The following FGF12 variants were observed in gnomAD, a reference collection of about 807,000 sequenced individuals.
FGF12 encodes fibroblast growth factor 12B.
In FGF12, 14 loss-of-function variants were observed where a neutral mutation model predicts 23.6. That is an observed-to-expected ratio of 0.59 (90% CI 0.39 to 0.93). FGF12 has a LOEUF of 0.93. Among genes scored for constraint, FGF12 ranks in the 40% least tolerant of loss-of-function variants. The pLI is 0.00. For missense variants in FGF12, 175 were observed against 217.8 expected (o/e 0.80, Z 1.24); for synonymous variants, 62 against 77.3 (o/e 0.80, Z 1.04).
intron 2 of FGF12, among the ~76,000 whole-genome samples, chr3:192,578,500 A>G (rs1199886704): frequency 6.6e-6 from 1 of 152,238 alleles, no homozygotes; most frequent in Non-Finnish European, 1.5e-5. Flanking sequence ...AAACTTATTT[A>G]TTAACTGCTC....
At position 192,331,322 on chromosome 3, in the gene FGF12, A is replaced by C. The variant is rs887298680; in HGVS notation, c.228+4039T>G. 9.3e-5 allele frequency among the ~76,000 whole-genome samples: 14 copies of C among 150,218 alleles called. No individual in the cohort carries two copies. In the East Asian group the frequency reaches 2.5e-3, roughly 27 times the overall value. On this transcript the variant is annotated intron_variant, in intron 4 of 5. Transcript: ENST00000445105. Reference sequence around the variant, plus strand: ...GTATGGAGTTTTCTCAAAAAAAAAAAAAAAAAAAAACAAAAACAAAAACAG... The same window carrying C: ...GTATGGAGTTTTCTCAAAAAAAAAACAAAAAAAAAACAAAAACAAAAACAG...
Position 192,264,847 on chromosome 3 carries a change from G to A in FGF12, c.228+70514C>T, listed in dbSNP as rs1006370950. On this transcript the variant is annotated intron_variant, in intron 4 of 5. Coordinates refer to ENST00000445105, the MANE Select transcript of FGF12 (RefSeq NM_004113.6). ...GCAAATGTCTAGTGAACCTTAAAAC[G>A]TCTCTGGGATCCACCGTCTGATGCC... Among the ~76,000 whole-genome samples the A allele has an allele frequency of 9.9e-5, 15 of 152,130 alleles. 1 individual carries two copies. The East Asian group carries it at 1.9e-3, about 20-fold the overall frequency.
intron 2 of FGF12, among the ~76,000 whole-genome samples, chr3:192,526,198 A>G (rs1724941448): frequency 6.6e-6 from 1 of 152,030 alleles, no homozygotes; most frequent in South Asian, 2.1e-4. Flanking sequence ...ATTCATTATC[A>G]CCTCTGTCAA....
intron 4 of FGF12, among the ~76,000 whole-genome samples, chr3:192,330,174 C>T (rs1157863999): frequency 6.6e-6 from 1 of 152,122 alleles, no homozygotes; most frequent in East Asian, 1.9e-4. Context: ...ATATTCAATA[C>T]AATTCCTATC....
intron 2 of FGF12, among the ~76,000 whole-genome samples, chr3:192,392,612 G>C (rs1720351581): frequency 8.6e-6 from 1 of 115,638 alleles, no homozygotes; most frequent in African/African-American, 3.2e-5. Context: ...GAGAGAGAGA[G>C]AGAGAGAGAG....
chr3:192,664,694 G>A (rs1716797921), intron 2 of FGF12, among the ~76,000 whole-genome samples: 1 of 151,784 alleles, frequency 6.6e-6, no homozygotes, highest in Admixed American at 6.6e-5. Context: ...GAACCTGGGA[G>A]GCGGAGGTTG....
chr3:192,717,361 G>C (rs1718896999), intron 2 of FGF12, among the ~76,000 whole-genome samples: 2 of 152,142 alleles, frequency 1.3e-5, no homozygotes, highest in Admixed American at 1.3e-4. Flanking sequence ...GCCTCATTGG[G>C]TTTTTATGAG....
chr3:192,447,072 C>T (rs1410454137), intron 2 of FGF12, among the ~76,000 whole-genome samples: 4 of 152,186 alleles, frequency 2.6e-5, no homozygotes, highest in African/African-American at 9.7e-5. Context: ...CCATCTTCAA[C>T]CTAATCAGTC....
chr3:192,563,993 T>C (rs137860792), intron 2 of FGF12, among the ~76,000 whole-genome samples: 134 of 152,300 alleles, frequency 8.8e-4, no homozygotes, highest in African/African-American at 3.2e-3. Flanking sequence ...TGTCCATATA[T>C]TAGGAGGCAC....
At chr3:192,148,922 C>A (rs1252791004) in intron 5 of FGF12, among the ~76,000 whole-genome samples, 1 of 152,086 alleles carries the variant, frequency 6.6e-6, no homozygotes. Flanking sequence ...GTAGCTAGTC[C>A]TAATTCAGAT....
At chr3:192,326,886 G>A (rs1716849089) in intron 4 of FGF12, among the ~76,000 whole-genome samples, 1 of 152,248 alleles carries the variant, frequency 6.6e-6, no homozygotes, top group Non-Finnish European at 1.5e-5. Context: ...CTGTTTCCCA[G>A]GCATACTTTT....
chr3:192,359,018 G>A (rs961233353), intron 3 of FGF12, among the ~76,000 whole-genome samples: 2 of 152,050 alleles, frequency 1.3e-5, no homozygotes, highest in African/African-American at 4.8e-5. Flanking sequence ...TCGACATTCA[G>A]TTACAGACGC....
At chr3:192,223,644 A>G (rs1196392896) in intron 4 of FGF12, among the ~76,000 whole-genome samples, 1 of 152,116 alleles carries the variant, frequency 6.6e-6, no homozygotes, top group East Asian at 1.9e-4. Context: ...AAAATTATCC[A>G]GGCTCGGATG....
intron 4 of FGF12, among the ~76,000 whole-genome samples, chr3:192,208,949 A>G (rs1717792632): frequency 6.6e-6 from 1 of 152,202 alleles, no homozygotes; most frequent in Non-Finnish European, 1.5e-5. Context: ...TTGTTGATAA[A>G]AGCATGTGGC....
chr3:192,554,056 T>C (rs1711649157), intron 2 of FGF12, among the ~76,000 whole-genome samples: 1 of 152,200 alleles, frequency 6.6e-6, no homozygotes, highest in African/African-American at 2.4e-5. Flanking sequence ...TTCAAGGGAC[T>C]GCCCGAAGGA....
chr3:192,333,167 C>T (rs1036846050), intron 4 of FGF12, among the ~76,000 whole-genome samples: 2 of 151,994 alleles, frequency 1.3e-5, no homozygotes, highest in African/African-American at 4.8e-5. Flanking sequence ...CCTCCAAACT[C>T]CCTCCTTCCC....
chr3:192,483,910 C>G (rs1018932357), intron 2 of FGF12, among the ~76,000 whole-genome samples: 2 of 152,078 alleles, frequency 1.3e-5, no homozygotes, highest in Non-Finnish European at 2.9e-5. Context: ...TATTGCTGTA[C>G]ATATGAAGGA....
chr3:192,146,014 G>A (rs1415976206), intron 5 of FGF12, among the ~76,000 whole-genome samples: 1 of 152,028 alleles, frequency 6.6e-6, no homozygotes, highest in Non-Finnish European at 1.5e-5. Flanking sequence ...AATGCACAGG[G>A]GAACGCAAGA....
At chr3:192,387,987 G>C (rs1212058010) in intron 2 of FGF12, among the ~76,000 whole-genome samples, 1 of 152,114 alleles carries the variant, frequency 6.6e-6, no homozygotes, top group Non-Finnish European at 1.5e-5. Flanking sequence ...AAGGCCGGAG[G>C]GGTGTCTCAC....
Sources: gnomAD v4.1 joint callset for allele counts (sites outside exome capture counted in the v4.1 genomes callset) on GRCh38, gnomAD v4.1.1 for gene constraint, MANE v1.5 for transcripts, NCBI Gene and HGNC (gene_info 2026-07-23, HGNC 2026-07-21) for gene names.